The following FAM98C variants were observed in gnomAD, a reference collection of about 807,000 sequenced individuals.
FAM98C encodes the protein protein FAM98C.
A neutral mutation model predicts 41.1 loss-of-function variants in FAM98C; 38 were observed. The ratio of observed to expected loss-of-function variants is 0.92; its 90% CI spans 0.71 to 1.21. FAM98C has a LOEUF of 1.21. Among genes scored for constraint, FAM98C ranks in the 50% most tolerant of loss-of-function variants. FAM98C has a pLI of 0.00. For synonymous variants in FAM98C, 195 were observed against 216.7 expected (o/e 0.90, Z 0.88); for missense variants, 493 against 484.7 (o/e 1.02, Z -0.16).
chr19:38,407,238 C>T (rs955290770), intron 7 of FAM98C, 161 bp downstream of exon 7: 3 of 752,326 alleles, frequency 4.0e-6, no homozygotes, highest in East Asian at 5.4e-5. Flanking sequence ...TGTGGACTCC[C>T]CAGCTCAGAA....
Position 38,405,068 on chromosome 19 carries a change from AC to A in FAM98C, c.512del (p.Pro171GlnfsTer36), listed in dbSNP as rs1329887836. 1 of 1,612,244 alleles carries A rather than the reference AC, an allele frequency of 6.2e-7. No homozygotes were observed. The highest frequency in any genetic ancestry group is 1.1e-5 in the South Asian group (1 of 91,050). ...LQALGLPRPAPGTPASQLLQE... is the reference protein window; with the variant it reads ...LQALGLPRPAXGTPASQLLQE... ...AAGCCCTGGGGCTGCCCAGACCTGC[AC>A]CAGGGACCCCCGCCAGCCAGCTGCT... On this transcript the variant is annotated frameshift_variant, in exon 4 of 8. Coordinates refer to ENST00000252530, the MANE Select transcript of FAM98C (RefSeq NM_174905.4). LOFTEE classifies it high-confidence loss of function.
At chr19:38,406,758 C>A in intron 6 of FAM98C, 152 bp from the exon 7 acceptor site, 2 of 787,380 alleles carry the variant, frequency 2.5e-6, no homozygotes, top group Admixed American at 2.7e-5. Context: ...ACACTCCAGG[C>A]TGGGTGACAG....
chr19:38,408,558 C>T, intron 7 of FAM98C, 193 bp from the exon 8 acceptor site: 1 of 667,746 alleles, frequency 1.5e-6, no homozygotes, highest in Non-Finnish European at 2.5e-6. Flanking sequence ...GACTCCGTCT[C>T]AAAAAAAAGA....
At chr19:38,407,333 TCCTTC>T (rs1456067286) in intron 7 of FAM98C, 3 of 471,736 alleles carry the variant, frequency 6.4e-6, no homozygotes, top group Non-Finnish European at 7.7e-6. Flanking sequence ...GGGCTTAAAA[TCCTTC>T]CCTATCACCA....
At chr19:38,405,939 C>G in intron 6 of FAM98C, 2 of 287,686 alleles carry the variant, frequency 7.0e-6, no homozygotes, top group South Asian at 9.6e-5. Flanking sequence ...TCACTGCAAC[C>G]TCCGACTCCC....
chr19:38,403,912 A>T (rs1040004577), intron 3 of FAM98C, among the ~76,000 whole-genome samples: 26 of 151,952 alleles, frequency 1.7e-4, no homozygotes, highest in Non-Finnish European at 3.1e-4. Flanking sequence ...TATTATTATT[A>T]TTTTTGAGAT....
At chr19:38,408,441 C>T (rs1971082297) in intron 7 of FAM98C, 1 of 292,286 alleles carries the variant, frequency 3.4e-6, no homozygotes, top group Non-Finnish European at 6.5e-6. Context: ...CACCTGTAGT[C>T]CCAGCTACTT....
intron 3 of FAM98C, chr19:38,404,666 G>T: frequency 2.3e-6 from 1 of 442,966 alleles, no homozygotes; most frequent in East Asian, 4.7e-5. Context: ...GAGTAGCTGG[G>T]ATTACAAGCA....
intron 6 of FAM98C, 167 bp from the exon 7 acceptor site, chr19:38,406,742 GC>G: frequency 3.0e-6 from 2 of 675,210 alleles, no homozygotes; most frequent in Admixed American, 2.9e-5. Flanking sequence ...CCACCATCAC[GC>G]CACCACACTC....
chr19:38,406,942 C>G lies in FAM98C; in HGVS notation c.783C>G (p.Ile261Met). Reference sequence around the variant, plus strand: ...GAGAGGCCATGAGGGCAGTGCTGATCCCAATTCGAGAGGTTCTGACCCCAG... The same window carrying G: ...GAGAGGCCATGAGGGCAGTGCTGATGCCAATTCGAGAGGTTCTGACCCCAG... The part of the protein sequence containing the change: ...AQGEAMRAVL[I>M]PIREVLTPES... Residue 261 changes from isoleucine (I) to methionine (M), a missense_variant, in exon 7 of 8, where the codon ATC becomes ATG. Ile to Met is a conservative substitution (Grantham distance 10). Coordinates refer to ENST00000252530, the MANE Select transcript of FAM98C (RefSeq NM_174905.4). 1 of 1,614,178 alleles carries G rather than the reference C, an allele frequency of 6.2e-7. No homozygotes were observed. Among genetic ancestry groups the G allele is most frequent in the Non-Finnish European group, 8.5e-7 (1 of 1,180,034 alleles).
chr19:38,406,889 C>G (rs761657470), intron 6 of FAM98C, 21 bp from the exon 7 acceptor site: 1 of 1,610,566 alleles, frequency 6.2e-7, no homozygotes, highest in Non-Finnish European at 8.5e-7. Context: ...GGTACCTTCT[C>G]TTACCTCCTC....
intron 3 of FAM98C, 105 bp downstream of exon 3, chr19:38,403,799 G>A (rs1320292073): frequency 7.6e-7 from 1 of 1,313,758 alleles, no homozygotes; most frequent in Non-Finnish European, 9.7e-7. Flanking sequence ...CAGAACTTTG[G>A]GGCGGCCCAG....
Position 38,405,531 on chromosome 19 carries a change from T to C in FAM98C, c.646T>C (p.Ser216Pro), listed in dbSNP as rs1971026753. ...CCTTTTCTCCCAGGAAGCGTTGGAG[T>C]CTCTGTCCCAAAGCCTCAGAGATCA... is the stretch of plus-strand genomic sequence containing the variant. ...LDAPRWEALE[S>P]LSQSLRDQYR... Residue 216 changes from serine (S) to proline (P), a missense_variant, in exon 6 of 8, where the codon TCT becomes CCT. Physicochemically the swap from Ser to Pro is moderately conservative, Grantham distance 74. Coordinates refer to ENST00000252530, the MANE Select transcript of FAM98C (RefSeq NM_174905.4). 6.2e-7 allele frequency: 1 copy of C among 1,613,570 alleles called. No individual in the cohort carries two copies. Among genetic ancestry groups the C allele is most frequent in the Non-Finnish European group, 8.5e-7 (1 of 1,179,960 alleles).
At position 38,408,997 on chromosome 19, in the gene FAM98C, T is replaced by A; in HGVS notation, c.*115T>A. 4.2e-6 allele frequency: 5 copies of A among 1,190,022 alleles called. No homozygotes were observed. The highest frequency in any genetic ancestry group is 5.7e-6 in the Non-Finnish European group (5 of 876,948). 73.7% of individuals were successfully genotyped at this position (1,190,022 alleles called of 1,614,324 possible). A position where few individuals can be genotyped will look rare whatever the true frequency, so the allele number is the denominator to read the frequency against. ...GTATTTGGCACCCAAGCCCCCCATC[T>A]CCTATTCCTGAGTCCCCAAATGCCC... On this transcript the variant is annotated 3_prime_UTR_variant, in exon 8 of 8. Coordinates refer to ENST00000252530, the MANE Select transcript of FAM98C (RefSeq NM_174905.4).
chr19:38,406,826 A>C, intron 6 of FAM98C, 84 bp from the exon 7 acceptor site: 1 of 1,426,958 alleles, frequency 7.0e-7, no homozygotes, highest in Non-Finnish European at 9.8e-7. Flanking sequence ...GAGGTCTTGA[A>C]TGGTAAAGTA....
At position 38,405,129 on chromosome 19, in the gene FAM98C, C is replaced by T. The variant is rs1376992502; in HGVS notation, c.555+16C>T. 1.3e-6 allele frequency: 2 copies of T among 1,597,016 alleles called. No homozygotes were observed. The highest frequency in any genetic ancestry group is 1.3e-5 in the African/African-American group (1 of 74,542). ...GCATGCTAAGGTAGAGAGTCAGAGT[C>T]CCCTCCCGACCTGGGCTACCCCACT... On this transcript the variant is annotated intron_variant, in intron 4 of 7. Transcript: ENST00000252530.
Position 38,403,639 on chromosome 19 carries a change from C to A in FAM98C, c.294C>A (p.Cys98Ter). The change falls in exon 3 of 8, where the codon TGC becomes TGA. Residue 98 changes from cysteine to a stop codon, truncating the protein, a stop_gained. Coordinates refer to ENST00000252530, the MANE Select transcript of FAM98C (RefSeq NM_174905.4). LOFTEE classifies it high-confidence loss of function. The part of the protein sequence containing the change: ...RELHCPDRAL[C>*]GGDGAAALRE... Reference sequence around the variant, plus strand: ...TGCACTGCCCGGATCGCGCGCTCTGCGGCGGGGATGGCGCGGCTGCGCTTC... The same window carrying A: ...TGCACTGCCCGGATCGCGCGCTCTGAGGCGGGGATGGCGCGGCTGCGCTTC... The A allele has an allele frequency of 7.0e-7, 1 of 1,418,896 alleles. No homozygotes were observed. Among genetic ancestry groups the A allele is most frequent in the Non-Finnish European group, 9.1e-7 (1 of 1,096,586 alleles). 87.9% of individuals were successfully genotyped at this position (1,418,896 alleles called of 1,614,324 possible).
chr19:38,406,789 T>C, intron 6 of FAM98C, 121 bp from the exon 7 acceptor site: 1 of 1,093,566 alleles, frequency 9.1e-7, no homozygotes, highest in African/African-American at 1.6e-5. Flanking sequence ...TCTCAAAAAA[T>C]AAATATTTAT....
In FAM98C at chr19:38,406,908, A is replaced by C. The variant is rs76769969; in HGVS notation, c.751-2A>C. ...CCTTCTCTTACCTCCTCCCCACTCC[A>C]GGCCCAAGGAGAGGCCATGAGGGCA... On this transcript the variant is annotated splice_acceptor_variant, in intron 6 of 7. Transcript: ENST00000252530. LOFTEE classifies it high-confidence loss of function. The C allele has an allele frequency of 5.2e-4, 835 of 1,613,480 alleles. 5 individuals carry two copies. The African/African-American group carries it at 0.01, about 20-fold the overall frequency.
Sources: gnomAD v4.1 joint callset for allele counts (sites outside exome capture counted in the v4.1 genomes callset) on GRCh38, gnomAD v4.1.1 for gene constraint, MANE v1.5 for transcripts, NCBI Gene and HGNC (gene_info 2026-07-23, HGNC 2026-07-21) for gene names.